The following CAMKMT variants were observed in gnomAD, a reference collection of about 807,000 sequenced individuals.
CAMKMT encodes the protein CaM KMT.
In CAMKMT, 53 loss-of-function variants were observed where a neutral mutation model predicts 48.0. The ratio of observed to expected loss-of-function variants is 1.10; its 90% CI spans 0.89 to 1.39. The LOEUF is 1.39. Ranked by LOEUF, CAMKMT falls within the 40% of genes most tolerant of loss-of-function variation. CAMKMT has a pLI of 0.00. For missense variants in CAMKMT, 428 were observed against 402.7 expected (o/e 1.06, Z -0.54); for synonymous variants, 165 against 152.3 (o/e 1.08, Z -0.61).
intron 2 of CAMKMT, among the ~76,000 whole-genome samples, chr2:44,374,117 C>CAAAAA (rs59922847): frequency 7.5e-5 from 5 of 66,374 alleles, no homozygotes; most frequent in Admixed American, 2.1e-4. Context: ...GACTCTGCCT[C>CAAAAA]AAAAAAAAAA....
intron 8 of CAMKMT, among the ~76,000 whole-genome samples, chr2:44,752,498 G>A (rs1000871060): frequency 1.3e-5 from 2 of 152,178 alleles, no homozygotes; most frequent in Admixed American, 1.3e-4. Flanking sequence ...GCATGCCTTC[G>A]GCACAATATG....
intron 7 of CAMKMT, among the ~76,000 whole-genome samples, chr2:44,741,141 C>T (rs1263210436): frequency 1.3e-5 from 2 of 152,212 alleles, no homozygotes; most frequent in African/African-American, 4.8e-5. Flanking sequence ...TTTGGAATGC[C>T]TTTGTGTTTT....
intron 3 of CAMKMT, among the ~76,000 whole-genome samples, chr2:44,538,602 G>C (rs1666911250): frequency 6.6e-6 from 1 of 151,972 alleles, no homozygotes; most frequent in African/African-American, 2.4e-5. Context: ...GTGATATAAT[G>C]GACTTCAGGG....
At chr2:44,393,695 G>T (rs888160411) in intron 3 of CAMKMT, among the ~76,000 whole-genome samples, 1 of 152,158 alleles carries the variant, frequency 6.6e-6, no homozygotes, top group Non-Finnish European at 1.5e-5. Flanking sequence ...TTTCACCTCA[G>T]ATGAGGTACT....
At chr2:44,624,939 C>G (rs930996434) in intron 3 of CAMKMT, among the ~76,000 whole-genome samples, 2 of 152,138 alleles carry the variant, frequency 1.3e-5, no homozygotes, top group Admixed American at 6.5e-5. Flanking sequence ...TACAGTCCCA[C>G]CAACAGTGTA....
At chr2:44,441,592 T>G (rs923515238) in intron 3 of CAMKMT, among the ~76,000 whole-genome samples, 17 of 152,186 alleles carry the variant, frequency 1.1e-4, no homozygotes, top group African/African-American at 3.4e-4. Context: ...CTTTTTTTTT[T>G]TAAACCCAAC....
intron 3 of CAMKMT, among the ~76,000 whole-genome samples, chr2:44,668,675 T>A (rs1055183768): frequency 1.3e-5 from 2 of 152,220 alleles, no homozygotes; most frequent in African/African-American, 4.8e-5. Context: ...ATATTACCAA[T>A]GTTTTTAACA....
At chr2:44,704,060 A>G (rs1677408569) in intron 3 of CAMKMT, among the ~76,000 whole-genome samples, 1 of 152,218 alleles carries the variant, frequency 6.6e-6, no homozygotes, top group Admixed American at 6.5e-5. Context: ...AATTTAGTAT[A>G]ATTTATTTAG....
chr2:44,766,512 T>G lies in CAMKMT; in HGVS notation c.845T>G (p.Ile282Ser). 1 of 1,614,164 alleles carries G rather than the reference T, an allele frequency of 6.2e-7. No homozygotes were observed. The highest frequency in any genetic ancestry group is 1.7e-5 in the Admixed American group (1 of 60,020). Residue 282 changes from isoleucine (I) to serine (S), a missense_variant, in exon 10 of 11, where the codon ATC becomes AGC. Physicochemically the swap from Ile to Ser is moderately radical, Grantham distance 142 (BLOSUM62 -2). Transcript: ENST00000378494. ...CNLAEKAGFCIQRHENYDEHI... is the reference protein window; with the variant it reads ...CNLAEKAGFCSQRHENYDEHI... ...CTAGCTGAAAAAGCTGGTTTCTGTA[T>G]CCAAAGACATGAAAATTATGATGAA... is the stretch of plus-strand genomic sequence containing the variant.
At chr2:44,395,137 A>G (rs1681713064) in intron 3 of CAMKMT, 1 of 360,212 alleles carries the variant, frequency 2.8e-6, no homozygotes, top group Admixed American at 3.6e-5. Flanking sequence ...TTTCTGTTTC[A>G]TTGTTGTTAT....
chr2:44,505,976 C>T (rs1183372568), intron 3 of CAMKMT, among the ~76,000 whole-genome samples: 1 of 151,984 alleles, frequency 6.6e-6, no homozygotes, highest in Non-Finnish European at 1.5e-5. Context: ...CAAGCATCCT[C>T]CCAGCTCAGC....
intron 7 of CAMKMT, among the ~76,000 whole-genome samples, chr2:44,728,789 T>C (rs1678925180): frequency 6.6e-6 from 1 of 151,786 alleles, no homozygotes; most frequent in Admixed American, 6.6e-5. Flanking sequence ...ATTGTGCTTA[T>C]TTGTATCTTT....
At chr2:44,588,279 C>T (rs1313914749) in intron 3 of CAMKMT, among the ~76,000 whole-genome samples, 5 of 72,556 alleles carry the variant, frequency 6.9e-5, no homozygotes, top group Admixed American at 1.6e-4. Flanking sequence ...CGTCTCCGCC[C>T]GGCAGCCACC....
chr2:44,494,589 G>T (rs1176180429), intron 3 of CAMKMT, among the ~76,000 whole-genome samples: 1 of 151,532 alleles, frequency 6.6e-6, no homozygotes, highest in East Asian at 1.9e-4. Flanking sequence ...AATTCAAAGT[G>T]TTGGATTGTT....
intron 3 of CAMKMT, among the ~76,000 whole-genome samples, chr2:44,437,869 G>A (rs1465790501): frequency 1.3e-5 from 2 of 149,762 alleles, no homozygotes; most frequent in Admixed American, 6.7e-5. Flanking sequence ...GATCAAACAG[G>A]ATTCAGATTC....
At chr2:44,514,052 A>C (rs1255206251) in intron 3 of CAMKMT, among the ~76,000 whole-genome samples, 1 of 151,020 alleles carries the variant, frequency 6.6e-6, no homozygotes, top group African/African-American at 2.4e-5. Context: ...CAATGAGTTG[A>C]GATTGCGCCA....
intron 9 of CAMKMT, among the ~76,000 whole-genome samples, chr2:44,757,075 C>T (rs1680414376): frequency 6.6e-6 from 1 of 152,228 alleles, no homozygotes; most frequent in African/African-American, 2.4e-5. Flanking sequence ...GAAATATTTA[C>T]ATATGTATAA....
rs548044836 is a variant in CAMKMT, at chr2:44,606,743, G to T, written c.377-97540G>T. Among the ~76,000 whole-genome samples the T allele has an allele frequency of 3.3e-5, 5 of 151,832 alleles. No individual in the cohort carries two copies. In the East Asian group the frequency reaches 9.7e-4, roughly 29 times the overall value. On this transcript the variant is annotated intron_variant, in intron 3 of 10. Transcript: ENST00000378494. ...TACCCTTTCAGAATATAAACAAAGT[G>T]CCTGCTATAGAATTTGAGTTATTTT...
chr2:44,641,745 A>C (rs970574938), intron 3 of CAMKMT, among the ~76,000 whole-genome samples: 39 of 151,996 alleles, frequency 2.6e-4, no homozygotes, highest in Admixed American at 2.4e-3. Flanking sequence ...TTTTGTAGAG[A>C]TGGAGTTTTG....
Sources: gnomAD v4.1 joint callset for allele counts (sites outside exome capture counted in the v4.1 genomes callset) on GRCh38, gnomAD v4.1.1 for gene constraint, MANE v1.5 for transcripts, NCBI Gene and HGNC (gene_info 2026-07-23, HGNC 2026-07-21) for gene names.